Variants in PCLO observed in about 807,000 individuals in gnomAD.
PCLO encodes the protein piccolo presynaptic cytomatrix protein.
In PCLO, 82 loss-of-function variants were observed where a neutral mutation model predicts 427.5. That is an observed-to-expected ratio of 0.19 (90% confidence interval 0.16 to 0.23). PCLO has a LOEUF of 0.23. Ranked by LOEUF, PCLO falls within the 10% of genes least tolerant of loss-of-function variation. The pLI is 1.00. For missense variants in PCLO, 6,239 were observed against 6,115.9 expected (o/e 1.02, Z -0.67); for synonymous variants, 2,357 against 2,155.4 (o/e 1.09, Z -2.59).
chr7:82,896,220 C>A (rs540926891), intron 9 of PCLO, among the ~76,000 whole-genome samples: 1 of 151,716 alleles, frequency 6.6e-6, no homozygotes, highest in East Asian at 1.9e-4. Flanking sequence ...TATACTAAAA[C>A]ATGTATGCAA....
chr7:82,867,321 A>G (rs186798910), intron 10 of PCLO, among the ~76,000 whole-genome samples: 2 of 152,310 alleles, frequency 1.3e-5, no homozygotes, highest in East Asian at 3.9e-4. Flanking sequence ...TATGTTTCCT[A>G]TATCTTATTC....
At chr7:82,758,777 T>A in intron 24 of PCLO, 62 bp from the exon 25 acceptor site, 1 of 1,015,724 alleles carries the variant, frequency 9.8e-7, no homozygotes, top group Non-Finnish European at 1.5e-6. Context: ...TGTATAGTTT[T>A]CAACCTTTTT....
chr7:82,767,466 C>T (rs1790555451), intron 22 of PCLO, among the ~76,000 whole-genome samples: 1 of 151,742 alleles, frequency 6.6e-6, no homozygotes. Flanking sequence ...TCTAAGAACA[C>T]TAATAATCAC....
At chr7:82,940,567 C>T (rs988963931) in intron 6 of PCLO, among the ~76,000 whole-genome samples, 2 of 151,954 alleles carry the variant, frequency 1.3e-5, no homozygotes, top group African/African-American at 4.8e-5. Context: ...GAGGGAATGG[C>T]GAGGATAATC....
chr7:82,828,881 G>A lies in PCLO; in HGVS notation c.14250-915C>T, dbSNP rs1792019203. On this transcript the variant is annotated intron_variant, in intron 16 of 24. Coordinates refer to ENST00000333891, the MANE Select transcript of PCLO (RefSeq NM_033026.6). The stretch of plus-strand genomic sequence containing the variant: ...CGTTCTAAATAATACTTCATCTGTG[G>A]TGGGCACTAGAGTCCTGTAAACCAA... Among the ~76,000 whole-genome samples, 3 of 152,164 alleles carry A rather than the reference G, an allele frequency of 2.0e-5. No individual in the cohort carries two copies. The South Asian group carries it at 6.2e-4, about 32-fold the overall frequency.
intron 6 of PCLO, among the ~76,000 whole-genome samples, chr7:82,932,525 T>A (rs1794862906): frequency 6.6e-6 from 1 of 152,104 alleles, no homozygotes. Flanking sequence ...ATGTACGATT[T>A]ATGAGTTAAA....
Position 82,974,493 on chromosome 7 carries a change from T to C in PCLO, c.3301-8006A>G, listed in dbSNP as rs559289168. Among the ~76,000 whole-genome samples, 48 of 152,278 alleles carry C rather than the reference T, an allele frequency of 3.2e-4. 2 individuals carry two copies. In the South Asian group the frequency reaches 8.7e-3, roughly 28 times the overall value. ...GGTAACCAATGATGCGCTAAACTTA[T>C]GGGTAATCATACAACTTAATGCATT... On this transcript the variant is annotated intron_variant, in intron 3 of 24. Transcript: ENST00000333891.
intron 10 of PCLO, among the ~76,000 whole-genome samples, chr7:82,876,389 A>G (rs1431811482): frequency 6.6e-6 from 1 of 151,812 alleles, no homozygotes; most frequent in Non-Finnish European, 1.5e-5. Flanking sequence ...GGGATAATCC[A>G]TAAGGGGTTG....
At chr7:83,129,018 T>G (rs1791508511) in intron 3 of PCLO, among the ~76,000 whole-genome samples, 1 of 152,182 alleles carries the variant, frequency 6.6e-6, no homozygotes, top group Admixed American at 6.5e-5. Flanking sequence ...ATTAAAATCC[T>G]AGCAATTACC....
At chr7:82,791,996 T>C (rs991222757) in intron 22 of PCLO, among the ~76,000 whole-genome samples, 8 of 152,042 alleles carry the variant, frequency 5.3e-5, no homozygotes, top group Non-Finnish European at 7.4e-5. Context: ...AAGTTAAAAG[T>C]TAAAAACTTT....
At chr7:83,138,124 A>G (rs1203766477) in intron 2 of PCLO, among the ~76,000 whole-genome samples, 1 of 152,214 alleles carries the variant, frequency 6.6e-6, no homozygotes, top group Non-Finnish European at 1.5e-5. Flanking sequence ...AATAGAATTA[A>G]AGGCATAATT....
intron 7 of PCLO, among the ~76,000 whole-genome samples, chr7:82,912,490 T>C (rs1301052821): frequency 2.6e-5 from 4 of 151,974 alleles, no homozygotes; most frequent in Admixed American, 1.3e-4. Flanking sequence ...ATAATTGCTA[T>C]AGTTTTCCTG....
At chr7:83,059,586 AG>A (rs537192535) in intron 3 of PCLO, among the ~76,000 whole-genome samples, 3,696 of 152,104 alleles carry the variant, frequency 0.024, 156 homozygotes, top group African/African-American at 0.084. Context: ...CAGTCATGAC[AG>A]AAATTTATTT....
intron 3 of PCLO, among the ~76,000 whole-genome samples, chr7:83,131,421 A>G (rs1359929563): frequency 6.6e-6 from 1 of 152,062 alleles, no homozygotes; most frequent in Non-Finnish European, 1.5e-5. Context: ...AAAGAGGGAA[A>G]CCATCTACAG....
intron 22 of PCLO, among the ~76,000 whole-genome samples, chr7:82,777,780 T>C (rs1272657800): frequency 2.0e-5 from 3 of 152,086 alleles, no homozygotes; most frequent in Admixed American, 1.3e-4. Flanking sequence ...AAGACTTAAA[T>C]GTAAAACCAA....
intron 2 of PCLO, among the ~76,000 whole-genome samples, chr7:83,153,462 GATC>G (rs1792188212): frequency 2.0e-5 from 3 of 152,012 alleles, no homozygotes; most frequent in Non-Finnish European, 2.9e-5. Context: ...AATTACCAAT[GATC>G]ATCATTATTG....
At chr7:83,049,561 A>G (rs935910204) in intron 3 of PCLO, among the ~76,000 whole-genome samples, 34 of 152,256 alleles carry the variant, frequency 2.2e-4, no homozygotes, top group African/African-American at 8.2e-4. Flanking sequence ...ATGATCACAG[A>G]CATCTGTGTG....
Position 82,846,563 on chromosome 7 carries a change from C to G in PCLO, c.13831+4G>C. The G allele has an allele frequency of 6.3e-7, 1 of 1,592,920 alleles. No homozygotes were observed. Among genetic ancestry groups the G allele is most frequent in the South Asian group, 1.1e-5 (1 of 89,602 alleles). On this transcript the variant is annotated splice_donor_region_variant and intron_variant, in intron 12 of 24. Coordinates refer to ENST00000333891, the MANE Select transcript of PCLO (RefSeq NM_033026.6). Reference sequence around the variant, plus strand: ...ACAGTTGAAACTAGATTTCTTTTACCTACCAGCTTTTGGTGGCTCATGAAG... The same window carrying G: ...ACAGTTGAAACTAGATTTCTTTTACGTACCAGCTTTTGGTGGCTCATGAAG...
At chr7:83,101,915 G>C (rs7784382) in intron 3 of PCLO, among the ~76,000 whole-genome samples, 2,794 of 152,044 alleles carry the variant, frequency 0.018, 90 homozygotes, top group African/African-American at 0.063. Context: ...TTTCTGAGGA[G>C]ATAATGTCAC....
Sources: gnomAD v4.1 joint callset for allele counts (sites outside exome capture counted in the v4.1 genomes callset) on GRCh38, gnomAD v4.1.1 for gene constraint, MANE v1.5 for transcripts, NCBI Gene and HGNC (gene_info 2026-07-23, HGNC 2026-07-21) for gene names.